MPP7: variants seen among roughly 807,000 people sequenced by gnomAD.
MPP7 encodes MAGUK p55 scaffold protein 7.
Under a neutral mutation model 76.5 loss-of-function variants are expected in MPP7, and 60 were observed. The observed-to-expected ratio is 0.78, with a 90% CI of 0.64 to 0.97. The LOEUF is 0.97. Ranked by LOEUF, MPP7 falls within the 50% of genes least tolerant of loss-of-function variation. The pLI is 0.00. For missense variants in MPP7, 641 were observed against 694.0 expected (o/e 0.92, Z 0.86); for synonymous variants, 237 against 244.5 (o/e 0.97, Z 0.29).
chr10:28,179,965 G>A (rs1239218878), intron 3 of MPP7, among the ~76,000 whole-genome samples: 1 of 152,074 alleles, frequency 6.6e-6, no homozygotes, highest in Non-Finnish European at 1.5e-5. Flanking sequence ...TGAAAACAAT[G>A]AGGAAGAAAG....
chr10:28,136,036 T>C (rs1422472190), intron 5 of MPP7, among the ~76,000 whole-genome samples: 1 of 152,006 alleles, frequency 6.6e-6, no homozygotes, highest in East Asian at 1.9e-4. Flanking sequence ...CAGCATTAGA[T>C]TCTCATAGGA....
chr10:28,323,660 C>T (rs977391822), intron 2 of MPP7, among the ~76,000 whole-genome samples: 1 of 151,712 alleles, frequency 6.6e-6, no homozygotes, highest in African/African-American at 2.4e-5. Context: ...GCTTGGGCAA[C>T]ATAACAAGGC....
At chr10:28,318,094 C>T (rs78501988) in intron 2 of MPP7, among the ~76,000 whole-genome samples, 1,573 of 152,288 alleles carry the variant, frequency 0.01, 32 homozygotes, top group African/African-American at 0.036. Context: ...TTTCATGCCT[C>T]ACTATATATA....
chr10:28,298,080 T>A (rs1174988284), intron 1 of MPP7, among the ~76,000 whole-genome samples: 1 of 152,234 alleles, frequency 6.6e-6, no homozygotes, highest in East Asian at 1.9e-4. Flanking sequence ...CTTCTTCCAC[T>A]GAAGTCTTGA....
At chr10:28,065,093 G>C (rs1851938654) in intron 13 of MPP7, among the ~76,000 whole-genome samples, 1 of 152,190 alleles carries the variant, frequency 6.6e-6, no homozygotes, top group Non-Finnish European at 1.5e-5. Context: ...GTAAGCCTAA[G>C]TAAAAAGTAT....
At chr10:28,299,942 AT>A (rs1427434346) in intron 1 of MPP7, among the ~76,000 whole-genome samples, 1 of 151,338 alleles carries the variant, frequency 6.6e-6, no homozygotes, top group Admixed American at 6.6e-5. Context: ...AATTTTTTCT[AT>A]TTTTTAGTAG....
chr10:28,123,148 G>A (rs1834898035), intron 8 of MPP7, among the ~76,000 whole-genome samples: 1 of 152,082 alleles, frequency 6.6e-6, no homozygotes, highest in South Asian at 2.1e-4. Context: ...ACAGAGATCT[G>A]TTTTTGAGAC....
chr10:28,118,165 T>C (rs1035897784), intron 11 of MPP7: 10 of 984,868 alleles, frequency 1.0e-5, no homozygotes, highest in East Asian at 1.1e-4. Flanking sequence ...TTAATACTTC[T>C]ACATACACAC....
At chr10:28,312,256 C>T (rs1381061885) in intron 2 of MPP7, among the ~76,000 whole-genome samples, 1 of 152,170 alleles carries the variant, frequency 6.6e-6, no homozygotes, top group African/African-American at 2.4e-5. Flanking sequence ...GTCCTCCCCA[C>T]GATTGGCTAC....
At chr10:28,242,471 T>A (rs2132779660) in intron 1 of MPP7, among the ~76,000 whole-genome samples, 1 of 152,276 alleles carries the variant, frequency 6.6e-6, no homozygotes, top group Admixed American at 6.5e-5. Flanking sequence ...CCTCATAAAT[T>A]ATAATTGTAA....
At chr10:28,177,667 TCTATC>T (rs1420103041) in intron 3 of MPP7, among the ~76,000 whole-genome samples, 3 of 152,236 alleles carry the variant, frequency 2.0e-5, no homozygotes, top group Non-Finnish European at 4.4e-5. Context: ...GGATCTCTTC[TCTATC>T]CTAAGTTGCA....
intron 16 of MPP7, among the ~76,000 whole-genome samples, chr10:28,056,158 C>T (rs1045459030): frequency 6.6e-6 from 1 of 152,152 alleles, no homozygotes; most frequent in Non-Finnish European, 1.5e-5. Context: ...TCACTGCACT[C>T]TCAGTCTCCT....
chr10:28,283,963 A>C (rs1840739291), intron 1 of MPP7, among the ~76,000 whole-genome samples: 1 of 152,250 alleles, frequency 6.6e-6, no homozygotes, highest in African/African-American at 2.4e-5. Flanking sequence ...ACCCAGTTTC[A>C]GACCCATCTG....
chr10:28,112,369 G>A (rs927039783), intron 11 of MPP7, among the ~76,000 whole-genome samples: 3 of 152,002 alleles, frequency 2.0e-5, no homozygotes, highest in South Asian at 4.2e-4. Context: ...AAGACTTAGC[G>A]CCATGGAAAT....
intron 11 of MPP7, among the ~76,000 whole-genome samples, chr10:28,105,594 G>A (rs1035938769): frequency 5.9e-5 from 9 of 152,214 alleles, no homozygotes; most frequent in Admixed American, 6.5e-5. Context: ...CGCAATCTCC[G>A]CCTCCTAAAT....
chr10:28,059,480 G>A, intron 14 of MPP7, 170 bp downstream of exon 14: 1 of 517,924 alleles, frequency 1.9e-6, no homozygotes, highest in Non-Finnish European at 3.4e-6. Context: ...AAAATTAGAG[G>A]TGAAGATTAA....
intron 12 of MPP7, among the ~76,000 whole-genome samples, chr10:28,074,115 T>C (rs1442772169): frequency 6.6e-6 from 1 of 152,060 alleles, no homozygotes; most frequent in Non-Finnish European, 1.5e-5. Context: ...ACCAAATAAA[T>C]CCTTAATAAA....
At chr10:28,313,855 T>TTTTTC in intron 2 of MPP7, among the ~76,000 whole-genome samples, 1 of 32,894 alleles carries the variant, frequency 3.0e-5, no homozygotes, top group Non-Finnish European at 5.9e-5. Context: ...CCTGGCTAAT[T>TTTTTC]TTTTTTTTTT....
At chr10:28,237,381 G>A (rs942291034) in intron 2 of MPP7, among the ~76,000 whole-genome samples, 2 of 152,008 alleles carry the variant, frequency 1.3e-5, no homozygotes, top group African/African-American at 4.8e-5. Context: ...CCAAGTTAAG[G>A]TCTTGAGAAA....
Sources: gnomAD v4.1 joint callset for allele counts (sites outside exome capture counted in the v4.1 genomes callset) on GRCh38, gnomAD v4.1.1 for gene constraint, MANE v1.5 for transcripts, NCBI Gene and HGNC (gene_info 2026-07-23, HGNC 2026-07-21) for gene names.